SUPT6H: variants seen among roughly 807,000 people sequenced by gnomAD.
SUPT6H encodes SPT6 homolog, histone chaperone and transcription elongation factor.
Under a neutral mutation model 222.3 loss-of-function variants are expected in SUPT6H, and 11 were observed. The ratio of observed to expected loss-of-function variants is 0.05; its 90% CI spans 0.03 to 0.08. The LOEUF (loss-of-function observed/expected upper bound fraction) is 0.08, where lower values mean the gene tolerates loss of function less well. SUPT6H is among the 10% of genes least tolerant of loss of function. The probability of loss-of-function intolerance (pLI) is 1.00; values close to 1 mark genes in which losing one functional copy is unlikely to be tolerated. For synonymous variants in SUPT6H, 762 were observed against 801.2 expected (o/e 0.95, Z 0.83); for missense variants, 1,422 against 2,216.0 (o/e 0.64, Z 7.19).
chr17:28,678,604 C>T lies in SUPT6H; in HGVS notation c.1176C>T (p.Asp392=), dbSNP rs772545974. ...EYVEPELHIN[D]LWRVWQWDEK... is the part of the protein sequence containing the mutation. ...TGGAGCCTGAGTTGCACATCAATGACCTATGGAGAGTCTGGCAGTGGGATG... is the reference window on the plus strand; with the variant it reads ...TGGAGCCTGAGTTGCACATCAATGATCTATGGAGAGTCTGGCAGTGGGATG... Residue 392 remains aspartate (D), a synonymous_variant, in exon 10 of 37, where the codon GAC becomes GAT. Transcript: ENST00000314616. 1.2e-6 allele frequency: 2 copies of T among 1,614,130 alleles called. No individual in the cohort carries two copies. Among genetic ancestry groups the T allele is most frequent in the South Asian group, 1.1e-5 (1 of 91,074 alleles).
At chr17:28,695,321 CCCT>C (rs2031852024) in intron 28 of SUPT6H, 28 bp from the exon 29 acceptor site, 1 of 1,600,988 alleles carries the variant, frequency 6.2e-7, no homozygotes, top group East Asian at 2.2e-5. Flanking sequence ...TCATCTTTGT[CCCT>C]TCCAGCTCAA....
At chr17:28,662,363 C>G (rs2072071098) in intron 1 of SUPT6H, 21 bp downstream of exon 1, 1 of 156,392 alleles carries the variant, frequency 6.4e-6, no homozygotes, top group African/African-American at 2.4e-5. Context: ...GACTGGAGAG[C>G]GTGTTTCTCG....
chr17:28,667,019 T>G (rs1034767069), intron 1 of SUPT6H, among the ~76,000 whole-genome samples: 1 of 151,978 alleles, frequency 6.6e-6, no homozygotes, highest in Non-Finnish European at 1.5e-5. Context: ...TATTAAACTT[T>G]TAGGTTTTGA....
At chr17:28,667,474 T>C (rs1284199052) in intron 1 of SUPT6H, among the ~76,000 whole-genome samples, 1 of 141,062 alleles carries the variant, frequency 7.1e-6, no homozygotes, top group Non-Finnish European at 1.5e-5. Flanking sequence ...TATATGTGTA[T>C]ATATGTGTGT....
intron 1 of SUPT6H, among the ~76,000 whole-genome samples, chr17:28,664,099 C>T (rs1390344076): frequency 2.0e-5 from 3 of 152,076 alleles, no homozygotes; most frequent in Non-Finnish European, 4.4e-5. Context: ...ATAGTTACTC[C>T]TGCCTCCAAA....
At position 28,700,867 on chromosome 17, in the gene SUPT6H, C is replaced by T. The variant is rs546902766; in HGVS notation, c.4807-74C>T. ...GAAAGCTTTGCTGAGCCCACCCTTG[C>T]GCTTACCCAGAATTCACAGCAAGGC... On this transcript the variant is annotated intron_variant, in intron 35 of 36. Transcript: ENST00000314616. The T allele has an allele frequency of 6.5e-5, 98 of 1,519,364 alleles. 1 individual carries two copies. The highest frequency in any genetic ancestry group is 5.9e-4 in the African/African-American group (43 of 72,776). 94.1% of individuals were successfully genotyped at this position (1,519,364 alleles called of 1,614,324 possible). A position where few individuals can be genotyped will look rare whatever the true frequency, so the allele number is the denominator to read the frequency against.
intron 27 of SUPT6H, 89 bp from the exon 28 acceptor site, chr17:28,693,607 A>G: frequency 6.6e-7 from 1 of 1,511,120 alleles, no homozygotes; most frequent in East Asian, 2.3e-5. Flanking sequence ...CAATGGTAAA[A>G]GAAATTACAA....
At chr17:28,689,778 A>G (rs2031554767) in intron 25 of SUPT6H, among the ~76,000 whole-genome samples, 1 of 152,114 alleles carries the variant, frequency 6.6e-6, no homozygotes, top group African/African-American at 2.4e-5. Context: ...CCATAATTAC[A>G]AGGGGCAGGA....
At chr17:28,675,947 C>T (rs747735782) in intron 6 of SUPT6H, among the ~76,000 whole-genome samples, 5 of 152,140 alleles carry the variant, frequency 3.3e-5, no homozygotes, top group Non-Finnish European at 7.3e-5. Context: ...TCGAAGGTGC[C>T]AAAGATGAGC....
intron 1 of SUPT6H, among the ~76,000 whole-genome samples, chr17:28,665,053 C>T (rs1567681996): frequency 6.6e-6 from 1 of 152,196 alleles, no homozygotes; most frequent in African/African-American, 2.4e-5. Flanking sequence ...AGTTCATTTT[C>T]CATGTAACAG....
At chr17:28,681,170 C>T in intron 11 of SUPT6H, 86 bp from the exon 12 acceptor site, 1 of 1,484,034 alleles carries the variant, frequency 6.7e-7, no homozygotes, top group Non-Finnish European at 9.3e-7. Context: ...GGGATACTGC[C>T]TTTTGGGAAT....
At chr17:28,674,766 TC>T in intron 4 of SUPT6H, 153 bp downstream of exon 4, 1 of 895,482 alleles carries the variant, frequency 1.1e-6, no homozygotes. Context: ...TAGATTTGCA[TC>T]CCAGATCTGG....
chr17:28,688,437 A>G lies in SUPT6H; in HGVS notation c.3134+219A>G. 1 of 402,030 alleles carries G rather than the reference A, an allele frequency of 2.5e-6. No homozygotes were observed. Among genetic ancestry groups the G allele is most frequent in the East Asian group, 4.5e-5 (1 of 22,294 alleles). The allele number at this position is 402,030 out of a possible 1,614,324, so 24.9% of individuals were successfully genotyped here. A position where few individuals can be genotyped will look rare whatever the true frequency, so the allele number is the denominator to read the frequency against. Reference sequence around the variant, plus strand: ...TTCGTGTGAGAGAAACATAAAAAGTACCAGCTTAGCTTATAAATTAAGCAT... The same window carrying G: ...TTCGTGTGAGAGAAACATAAAAAGTGCCAGCTTAGCTTATAAATTAAGCAT... On this transcript the variant is annotated intron_variant, in intron 24 of 36. Transcript: ENST00000314616. The surrounding 1 kb of genome is among the most constrained non-coding windows in gnomAD (Gnocchi z 4.3).
chr17:28,695,614 G>A, intron 29 of SUPT6H, 67 bp downstream of exon 29: 1 of 1,508,576 alleles, frequency 6.6e-7, no homozygotes, highest in Non-Finnish European at 9.0e-7. Flanking sequence ...CAGGATTCAG[G>A]CCACAGGATG....
chr17:28,690,334 A>G, intron 26 of SUPT6H, 105 bp downstream of exon 26: 1 of 1,404,274 alleles, frequency 7.1e-7, no homozygotes, highest in Non-Finnish European at 9.7e-7. Flanking sequence ...TGTGTTGTAC[A>G]TGGGGAAGGC....
intron 1 of SUPT6H, among the ~76,000 whole-genome samples, chr17:28,668,970 G>T (rs895672866): frequency 6.6e-6 from 1 of 152,240 alleles, no homozygotes; most frequent in South Asian, 2.1e-4. Flanking sequence ...TTACTATACC[G>T]CATCTCTTTA....
chr17:28,699,170 G>T (rs1016642387), intron 32 of SUPT6H, among the ~76,000 whole-genome samples: 9 of 152,196 alleles, frequency 5.9e-5, no homozygotes, highest in African/African-American at 1.4e-4. Flanking sequence ...AACGTGCTCT[G>T]TGCATTCTCA....
chr17:28,676,827 T>C (rs1380759119), intron 7 of SUPT6H, among the ~76,000 whole-genome samples: 1 of 151,920 alleles, frequency 6.6e-6, no homozygotes, highest in Non-Finnish European at 1.5e-5. Flanking sequence ...CTCAGGAGGC[T>C]GAGGTGGGAA....
At position 28,697,786 on chromosome 17, in the gene SUPT6H, C is replaced by T. The variant is rs534288291; in HGVS notation, c.4323+53C>T. ...CACTTGCCAATCACTTAAGGATGTA[C>T]GCTTTCCCTTCAGTATAGGGGACAC... On this transcript the variant is annotated intron_variant, in intron 31 of 36. Coordinates refer to ENST00000314616, the MANE Select transcript of SUPT6H (RefSeq NM_003170.5). 69 of 1,610,240 alleles carry T rather than the reference C, an allele frequency of 4.3e-5. No homozygotes were observed. The African/African-American group carries it at 6.9e-4, about 16-fold the overall frequency.
Sources: gnomAD v4.1 joint callset for allele counts (sites outside exome capture counted in the v4.1 genomes callset) on GRCh38, gnomAD v4.1.1 for gene constraint, Gnocchi (gnomAD v3.1) non-coding constraint, MANE v1.5 for transcripts, NCBI Gene and HGNC (gene_info 2026-07-23, HGNC 2026-07-21) for gene names.